DIS3L2: variants seen among roughly 807,000 people sequenced by gnomAD.
DIS3L2 encodes the protein DIS3 like 3'-5' exoribonuclease 2.
In DIS3L2, 34 loss-of-function variants were observed where a neutral mutation model predicts 97.5. The observed-to-expected ratio is 0.35, with a 90% confidence interval of 0.27 to 0.46. The LOEUF (loss-of-function observed/expected upper bound fraction) is 0.46, where lower values mean the gene tolerates loss of function less well. Ranked by LOEUF, DIS3L2 falls within the 20% of genes least tolerant of loss-of-function variation. The pLI is 1.00. For synonymous variants in DIS3L2, 435 were observed against 445.2 expected (o/e 0.98, Z 0.29); for missense variants, 1,038 against 1,146.0 (o/e 0.91, Z 1.36).
rs555119288 is a variant in DIS3L2 at position 232,324,532 on chromosome 2, G to A, written c.1740-5281G>A. ...TGCCCCGGCTCCCGCTCATTTCCAA[G>A]GCCACTCTCTGAGTGTCCTGTGTGA... On this transcript the variant is annotated intron_variant, in intron 14 of 20. Transcript: ENST00000325385. Among the ~76,000 whole-genome samples, 24 of 152,202 alleles carry A rather than the reference G, an allele frequency of 1.6e-4. No individual in the cohort carries two copies. In the East Asian group the frequency reaches 4.1e-3, roughly 26 times the overall value.
chr2:231,980,165 C>T (rs563804370), intron 1 of DIS3L2, among the ~76,000 whole-genome samples: 16 of 152,220 alleles, frequency 1.1e-4, no homozygotes, highest in African/African-American at 3.4e-4. Flanking sequence ...GGGCATTCTT[C>T]TATTAGATCT....
intron 6 of DIS3L2, among the ~76,000 whole-genome samples, chr2:232,101,114 C>T (rs1339846900): frequency 6.6e-6 from 1 of 151,608 alleles, no homozygotes; most frequent in African/African-American, 2.4e-5. Flanking sequence ...CCCCTGTTGC[C>T]CTAGCTACTC....
intron 5 of DIS3L2, among the ~76,000 whole-genome samples, chr2:232,073,646 G>A (rs969905917): frequency 6.6e-6 from 1 of 152,158 alleles, no homozygotes; most frequent in Non-Finnish European, 1.5e-5. Flanking sequence ...AATGTTTCAT[G>A]CTTGGAGTTC....
At chr2:232,289,250 T>G (rs958940879) in intron 13 of DIS3L2, among the ~76,000 whole-genome samples, 14 of 139,846 alleles carry the variant, frequency 1.0e-4, no homozygotes, top group Admixed American at 9.2e-4. Flanking sequence ...TTGTTTTTTG[T>G]TTTTTTTTTT....
At chr2:231,994,770 C>T (rs956135360) in intron 1 of DIS3L2, among the ~76,000 whole-genome samples, 26 of 150,844 alleles carry the variant, frequency 1.7e-4, no homozygotes, top group African/African-American at 2.9e-4. Flanking sequence ...AAGTTTCTTT[C>T]GCTTGTGTTT....
intron 9 of DIS3L2, among the ~76,000 whole-genome samples, chr2:232,174,172 C>G (rs1691079612): frequency 6.6e-6 from 1 of 152,068 alleles, no homozygotes; most frequent in South Asian, 2.1e-4. Flanking sequence ...CATATTTATT[C>G]TTTTTGATGC....
intron 1 of DIS3L2, among the ~76,000 whole-genome samples, chr2:231,992,619 C>T (rs941500106): frequency 6.6e-6 from 1 of 152,044 alleles, no homozygotes; most frequent in Non-Finnish European, 1.5e-5. Context: ...TTGTGTTATC[C>T]CCATTGCTTC....
At chr2:232,278,996 G>T (rs1404807725) in intron 13 of DIS3L2, among the ~76,000 whole-genome samples, 1 of 152,182 alleles carries the variant, frequency 6.6e-6, no homozygotes, top group Admixed American at 6.5e-5. Flanking sequence ...GGAGTGCAAT[G>T]GTACAATCTT....
rs1324528885 is a variant in DIS3L2, at chr2:232,190,136, T to C, written c.1125-20190T>C. ...TGAATGCAGGAGTTCGAGACCAGCC[T>C]GGGCAACATGATGAGACCCTCATCT... On this transcript the variant is annotated intron_variant, in intron 9 of 20. Coordinates refer to ENST00000325385, the MANE Select transcript of DIS3L2 (RefSeq NM_152383.5). Among the ~76,000 whole-genome samples the C allele has an allele frequency of 2.6e-5, 4 of 152,278 alleles. No individual in the cohort carries two copies. In the East Asian group the frequency reaches 5.8e-4, roughly 22 times the overall value.
chr2:232,060,779 A>G (rs1227668459), intron 5 of DIS3L2, among the ~76,000 whole-genome samples: 2 of 152,126 alleles, frequency 1.3e-5, no homozygotes, highest in African/African-American at 4.8e-5. Flanking sequence ...AATTCTTCCA[A>G]CCAATGAGCA....
chr2:232,088,053 C>A (rs1287084869), intron 6 of DIS3L2, among the ~76,000 whole-genome samples: 1 of 152,200 alleles, frequency 6.6e-6, no homozygotes, highest in Non-Finnish European at 1.5e-5. Flanking sequence ...ATGTAAAATT[C>A]ATATGAAAAA....
chr2:232,278,382 G>T (rs967843509), intron 13 of DIS3L2, among the ~76,000 whole-genome samples: 2 of 152,052 alleles, frequency 1.3e-5, no homozygotes, highest in African/African-American at 4.8e-5. Flanking sequence ...CAAGCTACAC[G>T]TATAGTCATG....
At chr2:232,142,339 TGGA>T (rs2106360265) in intron 8 of DIS3L2, among the ~76,000 whole-genome samples, 2 of 152,256 alleles carry the variant, frequency 1.3e-5, no homozygotes, top group Admixed American at 1.3e-4. Context: ...GTTAAAGGAA[TGGA>T]GGAGAATGAT....
intron 1 of DIS3L2, among the ~76,000 whole-genome samples, chr2:231,977,116 A>C (rs1195212943): frequency 6.6e-6 from 1 of 152,190 alleles, no homozygotes; most frequent in Admixed American, 6.5e-5. Flanking sequence ...TAACTTATTA[A>C]ATACTGCACT....
intron 11 of DIS3L2, 146 bp downstream of exon 11, chr2:232,238,791 G>C (rs1288469927): frequency 5.9e-6 from 4 of 677,180 alleles, no homozygotes; most frequent in Non-Finnish European, 5.0e-6. Flanking sequence ...TCATCCCAGA[G>C]TGGCCCTGCT....
intron 5 of DIS3L2, among the ~76,000 whole-genome samples, chr2:232,058,217 G>T (rs541412092): frequency 7.2e-5 from 11 of 152,254 alleles, no homozygotes; most frequent in African/African-American, 2.2e-4. Context: ...CTTGAAGCTG[G>T]AGATGTAATG....
At chr2:232,205,524 A>C (rs1574944762) in intron 9 of DIS3L2, among the ~76,000 whole-genome samples, 1 of 151,522 alleles carries the variant, frequency 6.6e-6, no homozygotes, top group African/African-American at 2.4e-5. Flanking sequence ...CTGGTCTTGA[A>C]CTCCTGGACT....
intron 8 of DIS3L2, among the ~76,000 whole-genome samples, chr2:232,149,893 C>T (rs1690347901): frequency 1.6e-4 from 1 of 6,118 alleles, no homozygotes; most frequent in Non-Finnish European, 3.5e-4. Flanking sequence ...GCCATTCTAA[C>T]TGGTGTGAGA....
At chr2:231,969,877 A>AT (rs34578666) in intron 1 of DIS3L2, among the ~76,000 whole-genome samples, 9,851 of 140,082 alleles carry the variant, frequency 0.07, 902 homozygotes, top group East Asian at 0.48. Context: ...GTTTACTGAG[A>AT]TTTTTTTTTT....
Sources: gnomAD v4.1 joint callset for allele counts (sites outside exome capture counted in the v4.1 genomes callset) on GRCh38, gnomAD v4.1.1 for gene constraint, MANE v1.5 for transcripts, NCBI Gene and HGNC (gene_info 2026-07-23, HGNC 2026-07-21) for gene names.